TMEM132D: variants seen among roughly 807,000 people sequenced by gnomAD.
The protein encoded by TMEM132D is mature OL transmembrane protein.
Under a neutral mutation model 62.3 loss-of-function variants are expected in TMEM132D, and 21 were observed. That is an observed-to-expected ratio of 0.34 (90% CI 0.24 to 0.49). TMEM132D has a LOEUF of 0.49. Ranked by LOEUF, TMEM132D falls within the 20% of genes least tolerant of loss-of-function variation. TMEM132D has a pLI of 0.99. For synonymous variants in TMEM132D, 621 were observed against 575.6 expected (o/e 1.08, Z -1.13); for missense variants, 1,346 against 1,402.8 (o/e 0.96, Z 0.65).
intron 5 of TMEM132D, among the ~76,000 whole-genome samples, chr12:129,196,974 T>C (rs1878566822): frequency 6.6e-6 from 1 of 152,120 alleles, no homozygotes; most frequent in Admixed American, 6.6e-5. Context: ...ATCATGTAAG[T>C]CACCACCCGT....
At chr12:129,579,323 G>T (rs776792288) in intron 2 of TMEM132D, among the ~76,000 whole-genome samples, 3 of 152,152 alleles carry the variant, frequency 2.0e-5, no homozygotes, top group Non-Finnish European at 4.4e-5. Flanking sequence ...ATTAGTCAGG[G>T]TTCTCTACAG....
chr12:129,552,798 A>G (rs912967659), intron 2 of TMEM132D, among the ~76,000 whole-genome samples: 1 of 152,198 alleles, frequency 6.6e-6, no homozygotes, highest in Non-Finnish European at 1.5e-5. Flanking sequence ...CCTATTACGT[A>G]TCTATCTAGC....
chr12:129,490,149 T>C (rs1193687317), intron 3 of TMEM132D, among the ~76,000 whole-genome samples: 1 of 152,194 alleles, frequency 6.6e-6, no homozygotes, highest in African/African-American at 2.4e-5. Context: ...ATTTAGTCAA[T>C]TTCGTATTAC....
chr12:129,232,827 T>G (rs1243193360), intron 4 of TMEM132D, among the ~76,000 whole-genome samples: 1 of 148,672 alleles, frequency 6.7e-6, no homozygotes, highest in South Asian at 2.1e-4. Context: ...GAGAGAGAGA[T>G]AAAGAGAGAG....
intron 1 of TMEM132D, among the ~76,000 whole-genome samples, chr12:129,796,887 T>C (rs1454199306): frequency 6.6e-6 from 1 of 152,122 alleles, no homozygotes; most frequent in Non-Finnish European, 1.5e-5. Context: ...AGATAATAAA[T>C]AAATAAGTAG....
intron 4 of TMEM132D, among the ~76,000 whole-genome samples, chr12:129,224,584 T>C (rs567341798): frequency 4.1e-4 from 63 of 152,274 alleles, no homozygotes; most frequent in African/African-American, 1.4e-3. Flanking sequence ...AATAATATTT[T>C]ATTGTACTAG....
chr12:129,660,540 G>A (rs140092479), intron 2 of TMEM132D, among the ~76,000 whole-genome samples: 3 of 152,182 alleles, frequency 2.0e-5, no homozygotes, highest in African/African-American at 4.8e-5. Flanking sequence ...CCCTTTATGC[G>A]CAGTCTGTCT....
At chr12:129,756,602 G>T (rs61946061) in intron 1 of TMEM132D, among the ~76,000 whole-genome samples, 1 of 152,184 alleles carries the variant, frequency 6.6e-6, no homozygotes, top group Non-Finnish European at 1.5e-5. Context: ...GATGGATAAG[G>T]GTGATGGCTG....
At chr12:129,397,658 A>G (rs976635186) in intron 3 of TMEM132D, among the ~76,000 whole-genome samples, 2 of 152,236 alleles carry the variant, frequency 1.3e-5, no homozygotes, top group Non-Finnish European at 2.9e-5. Context: ...TGTGTCTAAC[A>G]TAATCAGTGA....
chr12:129,684,393 G>T (rs1045232995), intron 2 of TMEM132D, among the ~76,000 whole-genome samples: 1 of 152,048 alleles, frequency 6.6e-6, no homozygotes, highest in Non-Finnish European at 1.5e-5. Flanking sequence ...AGACATGTTT[G>T]CTTCCCCTTC....
intron 3 of TMEM132D, among the ~76,000 whole-genome samples, chr12:129,464,916 G>A (rs1352897013): frequency 6.6e-6 from 1 of 150,980 alleles, no homozygotes; most frequent in Non-Finnish European, 1.5e-5. Flanking sequence ...GATGCCTCCA[G>A]CTTTGTTCTT....
rs574065964 is a variant in TMEM132D, at chr12:129,404,294, G to A, written c.1116-66477C>T. ...GCTCACTGCAACCTCCACCTCCCGG[G>A]TTCAAGTGATTCTCCTGCCTCAGCC... On this transcript the variant is annotated intron_variant, in intron 3 of 8. Coordinates refer to ENST00000422113, the MANE Select transcript of TMEM132D (RefSeq NM_133448.3). 2.0e-5 allele frequency among the ~76,000 whole-genome samples: 3 copies of A among 152,028 alleles called. No individual in the cohort carries two copies. In the South Asian group the frequency reaches 6.2e-4, roughly 32 times the overall value.
intron 1 of TMEM132D, among the ~76,000 whole-genome samples, chr12:129,763,235 G>A (rs1870442046): frequency 6.6e-6 from 1 of 152,098 alleles, no homozygotes; most frequent in South Asian, 2.1e-4. Flanking sequence ...GTGTCATTAT[G>A]CCTGGCTAAT....
chr12:129,284,157 G>A lies in TMEM132D; in HGVS notation c.1299+53477C>T, dbSNP rs527463428. Among the ~76,000 whole-genome samples the A allele has an allele frequency of 1.1e-3, 161 of 151,478 alleles. No individual in the cohort carries two copies. In the South Asian group the frequency reaches 0.011, roughly 10 times the overall value. On this transcript the variant is annotated intron_variant, in intron 4 of 8. Coordinates refer to ENST00000422113, the MANE Select transcript of TMEM132D (RefSeq NM_133448.3). The stretch of plus-strand genomic sequence containing the variant: ...GACATTTCGGCCTAATCTAGTCCCC[G>A]GATGCCTGAAGATCCATCTACATCA...
At chr12:129,142,708 T>C (rs1409037230) in intron 5 of TMEM132D, among the ~76,000 whole-genome samples, 2 of 152,192 alleles carry the variant, frequency 1.3e-5, no homozygotes, top group African/African-American at 4.8e-5. Context: ...AAAATACAGG[T>C]AGTCGTGGGG....
Position 129,295,092 on chromosome 12 carries a change from A to C in TMEM132D, c.1299+42542T>G, listed in dbSNP as rs563942061. On this transcript the variant is annotated intron_variant, in intron 4 of 8. Transcript: ENST00000422113. ...TCAGTCGAAGGCTTACATAGAACAA[A>C]AAGATTGGCCTCCTGCAAGGAAGAG... Among the ~76,000 whole-genome samples the C allele has an allele frequency of 6.5e-4, 99 of 152,316 alleles. No individual in the cohort carries two copies. The South Asian group carries it at 0.018, about 28-fold the overall frequency.
chr12:129,093,158 G>C (rs1190107984), intron 5 of TMEM132D, among the ~76,000 whole-genome samples: 1 of 152,190 alleles, frequency 6.6e-6, no homozygotes. Flanking sequence ...CCACAGATGG[G>C]CTTCGGGTCA....
At chr12:129,293,304 G>A (rs1881494730) in intron 4 of TMEM132D, among the ~76,000 whole-genome samples, 1 of 152,136 alleles carries the variant, frequency 6.6e-6, no homozygotes, top group Non-Finnish European at 1.5e-5. Context: ...ATTAAAGCCA[G>A]ACGGACACCT....
chr12:129,470,964 C>G (rs75549516), intron 3 of TMEM132D, among the ~76,000 whole-genome samples: 1,772 of 152,220 alleles, frequency 0.012, 42 homozygotes, highest in African/African-American at 0.041. Flanking sequence ...CATGAGAACA[C>G]AGAGAGGCTC....
Sources: allele counts gnomAD v4.1 joint callset (sites outside exome capture counted in the v4.1 genomes callset), GRCh38; gene constraint gnomAD v4.1.1; transcripts MANE v1.5; gene names NCBI Gene and HGNC (gene_info 2026-07-23, HGNC 2026-07-21).